The following CSMD3 variants were observed in gnomAD, a reference collection of about 807,000 sequenced individuals.
CSMD3 encodes the protein CUB and sushi domain-containing protein 3.
Under a neutral mutation model 435.2 loss-of-function variants are expected in CSMD3, and 177 were observed. The ratio of observed to expected loss-of-function variants is 0.41; its 90% CI spans 0.36 to 0.46. The LOEUF is 0.46. Ranked by LOEUF, CSMD3 falls within the 20% of genes least tolerant of loss-of-function variation. The pLI is 0.34. For synonymous variants in CSMD3, 1,656 were observed against 1,520.5 expected, an observed-to-expected ratio of 1.09 and a Z score of -2.07; for missense variants, 4,265 against 4,504.6, an observed-to-expected ratio of 0.95 and a Z score of 1.52.
chr8:113,168,771 T>C (rs1292944663), intron 4 of CSMD3, among the ~76,000 whole-genome samples: 1 of 151,992 alleles, frequency 6.6e-6, no homozygotes, highest in African/African-American at 2.4e-5. Flanking sequence ...TTTCTTTAAG[T>C]TAGTTTTATC....
chr8:112,650,965 G>T (rs2075111938), intron 18 of CSMD3, among the ~76,000 whole-genome samples: 1 of 138,074 alleles, frequency 7.2e-6, no homozygotes, highest in Non-Finnish European at 1.6e-5. Context: ...CGGCACTGTT[G>T]ACATTTTGGA....
chr8:112,880,264 GGA>G (rs2081410347), intron 10 of CSMD3, among the ~76,000 whole-genome samples: 1 of 151,930 alleles, frequency 6.6e-6, no homozygotes, highest in East Asian at 1.9e-4. Flanking sequence ...AATTATTTTT[GGA>G]GATAGTTATT....
At chr8:112,834,765 G>T (rs1372031146) in intron 11 of CSMD3, among the ~76,000 whole-genome samples, 1 of 151,762 alleles carries the variant, frequency 6.6e-6, no homozygotes, top group Non-Finnish European at 1.5e-5. Context: ...TTATTTGGTA[G>T]TAGGGCTGAA....
At chr8:112,696,326 A>G (rs954043231) in intron 13 of CSMD3, among the ~76,000 whole-genome samples, 2 of 152,162 alleles carry the variant, frequency 1.3e-5, no homozygotes, top group Non-Finnish European at 2.9e-5. Context: ...TTCAAACTAT[A>G]CTACAAGGCT....
At chr8:112,644,580 T>C (rs2131610174) in intron 20 of CSMD3, among the ~76,000 whole-genome samples, 1 of 152,162 alleles carries the variant, frequency 6.6e-6, no homozygotes, top group South Asian at 2.1e-4. Context: ...CAGAGTGCAA[T>C]TTTACACTCT....
intron 31 of CSMD3, among the ~76,000 whole-genome samples, chr8:112,486,275 G>A (rs1820126655): frequency 6.6e-6 from 1 of 151,900 alleles, no homozygotes. Flanking sequence ...GATATAAAAA[G>A]GTCAATACAA....
chr8:112,594,001 G>A (rs1319674468), intron 22 of CSMD3, among the ~76,000 whole-genome samples: 1 of 152,112 alleles, frequency 6.6e-6, no homozygotes, highest in East Asian at 1.9e-4. Flanking sequence ...GAAAGGAATA[G>A]TACAGGGGAG....
chr8:112,917,761 C>G lies in CSMD3; in HGVS notation c.1633+3866G>C, dbSNP rs74442880. ...CAATGGGAATGGAAGTTTAGGAGTG[C>G]TTCTAGACATATTTCAAACCAGGAG... On this transcript the variant is annotated intron_variant, in intron 10 of 70. Transcript: ENST00000297405. 2.9e-3 allele frequency among the ~76,000 whole-genome samples: 438 copies of G among 152,030 alleles called. 4 individuals are homozygous for G. The highest frequency in any genetic ancestry group is 1.0e-2 in the African/African-American group (414 of 41,516).
chr8:112,771,691 AAATG>A (rs1280596250), intron 13 of CSMD3, among the ~76,000 whole-genome samples: 4 of 151,832 alleles, frequency 2.6e-5, no homozygotes, highest in African/African-American at 9.7e-5. Context: ...ACAAAAAAAT[AAATG>A]AAGAATCCCA....
intron 9 of CSMD3, among the ~76,000 whole-genome samples, chr8:112,945,894 C>T (rs1404455319): frequency 6.6e-6 from 1 of 151,614 alleles, no homozygotes. Context: ...GACACATATA[C>T]TTCTTCCAAT....
chr8:113,436,463 T>C (rs1026587997), intron 1 of CSMD3, among the ~76,000 whole-genome samples: 8 of 152,242 alleles, frequency 5.3e-5, no homozygotes, highest in Non-Finnish European at 8.8e-5. Flanking sequence ...AGAATATTTA[T>C]TGAGCACAAG....
At chr8:112,356,754 A>T (rs1441759672) in intron 38 of CSMD3, among the ~76,000 whole-genome samples, 1 of 151,944 alleles carries the variant, frequency 6.6e-6, no homozygotes, top group Non-Finnish European at 1.5e-5. Flanking sequence ...TAAAAAGAGG[A>T]GTTCCCCTGC....
chr8:112,989,513 G>A (rs1298030759), intron 6 of CSMD3, among the ~76,000 whole-genome samples: 1 of 152,002 alleles, frequency 6.6e-6, no homozygotes, highest in African/African-American at 2.4e-5. Context: ...ATGCAATGGT[G>A]AGCATGGGAG....
chr8:113,225,799 T>C (rs1186656017), intron 3 of CSMD3, among the ~76,000 whole-genome samples: 1 of 151,586 alleles, frequency 6.6e-6, no homozygotes, highest in South Asian at 2.1e-4. Flanking sequence ...TTTAATCAGG[T>C]TAGTGTTTGA....
chr8:113,203,483 G>A (rs1466962298), intron 3 of CSMD3, among the ~76,000 whole-genome samples: 3 of 151,726 alleles, frequency 2.0e-5, no homozygotes, highest in Non-Finnish European at 4.4e-5. Context: ...TGTTGTCTAG[G>A]CTGGTCTCAA....
At chr8:113,135,152 C>G (rs2091384303) in intron 4 of CSMD3, among the ~76,000 whole-genome samples, 2 of 151,900 alleles carry the variant, frequency 1.3e-5, no homozygotes, top group African/African-American at 4.8e-5. Flanking sequence ...TTTTGAAAAG[C>G]AAGTGTTGGC....
rs1193456217 is a variant in CSMD3, at chr8:112,295,930, A to T, written c.8517T>A (p.Val2839=). ...IGENYGYRDT[V]VYQCNPGFRL... ...GAAAACCAGGATTACATTGATATAC[A>T]ACTGTGTCTCTATATCCATAATTTT... Residue 2839 remains valine, a synonymous_variant, in exon 54 of 71, where the codon GTT becomes GTA. Transcript: ENST00000297405. 6.2e-7 allele frequency: 1 copy of T among 1,613,456 alleles called. No individual in the cohort carries two copies. Among genetic ancestry groups the T allele is most frequent in the Non-Finnish European group, 8.5e-7 (1 of 1,179,618 alleles).
chr8:112,782,276 G>A (rs1383346737), intron 13 of CSMD3, among the ~76,000 whole-genome samples: 1 of 152,022 alleles, frequency 6.6e-6, no homozygotes, highest in East Asian at 1.9e-4. Flanking sequence ...AAATTATGGA[G>A]CTGAAAAAGG....
chr8:112,605,264 A>G (rs764201939), intron 22 of CSMD3, among the ~76,000 whole-genome samples: 4 of 152,156 alleles, frequency 2.6e-5, no homozygotes, highest in Non-Finnish European at 5.9e-5. Context: ...TTTGAGCCAG[A>G]AAGCCCATTA....
Sources: gnomAD v4.1 joint callset for allele counts (sites outside exome capture counted in the v4.1 genomes callset) on GRCh38, gnomAD v4.1.1 for gene constraint, MANE v1.5 for transcripts, NCBI Gene and HGNC (gene_info 2026-07-23, HGNC 2026-07-21) for gene names.